Variants in PPP4R2 observed in about 807,000 individuals in gnomAD.
PPP4R2 encodes serine/threonine-protein phosphatase 4 regulatory subunit 2.
A neutral mutation model predicts 47.2 loss-of-function variants in PPP4R2; 13 were observed. The observed-to-expected ratio is 0.28, with a 90% CI of 0.18 to 0.44. PPP4R2 has a LOEUF of 0.44. Ranked by LOEUF, PPP4R2 falls within the 20% of genes least tolerant of loss-of-function variation. The pLI is 1.00. For synonymous variants in PPP4R2, 151 were observed against 163.3 expected, an observed-to-expected ratio of 0.92 and a Z score of 0.57; for missense variants, 421 against 491.2, an observed-to-expected ratio of 0.86 and a Z score of 1.35.
intron 1 of PPP4R2, among the ~76,000 whole-genome samples, chr3:72,997,866 G>A (rs538216970): frequency 6.6e-6 from 1 of 152,112 alleles, no homozygotes; most frequent in African/African-American, 2.4e-5. Flanking sequence ...GAAGTTGAGT[G>A]CCCCCTTTAG....
At chr3:73,026,285 A>G (rs1297575699) in intron 2 of PPP4R2, among the ~76,000 whole-genome samples, 1 of 152,150 alleles carries the variant, frequency 6.6e-6, no homozygotes, top group Non-Finnish European at 1.5e-5. Context: ...GTGACTTTGT[A>G]CATATTGTTC....
At chr3:73,015,503 TCTCG>T (rs1701810771) in intron 2 of PPP4R2, among the ~76,000 whole-genome samples, 1 of 146,254 alleles carries the variant, frequency 6.8e-6, no homozygotes, top group South Asian at 2.2e-4. Context: ...TTTTTTAGGG[TCTCG>T]CTCTGTCGCC....
intron 2 of PPP4R2, among the ~76,000 whole-genome samples, chr3:73,016,485 G>C (rs1333719896): frequency 1.3e-5 from 2 of 152,070 alleles, no homozygotes; most frequent in Admixed American, 6.6e-5. Context: ...TTGAGAGACT[G>C]CTTTATAGGA....
At chr3:73,064,489 G>C (rs1246152998) in intron 7 of PPP4R2, among the ~76,000 whole-genome samples, 1 of 152,152 alleles carries the variant, frequency 6.6e-6, no homozygotes, top group Non-Finnish European at 1.5e-5. Flanking sequence ...TTCATAAAAG[G>C]ACACCTTTTG....
At chr3:73,018,695 G>A (rs1185792158) in intron 2 of PPP4R2, among the ~76,000 whole-genome samples, 3 of 152,066 alleles carry the variant, frequency 2.0e-5, no homozygotes, top group African/African-American at 4.8e-5. Context: ...TGAATATGCA[G>A]TGTTCTACTG....
At chr3:73,036,667 A>G (rs1454394421) in intron 2 of PPP4R2, among the ~76,000 whole-genome samples, 3 of 152,200 alleles carry the variant, frequency 2.0e-5, no homozygotes, top group Admixed American at 6.5e-5. Context: ...TGTGATAGGT[A>G]CTTTGCTTTT....
At position 73,067,072 on chromosome 3, in the gene PPP4R2, A is replaced by C. The variant is rs1196789922; in HGVS notation, c.*1350A>C. The C allele has an allele frequency of 1.3e-5, 2 of 152,096 alleles. No homozygotes were observed. The highest frequency in any genetic ancestry group is 4.8e-5 in the African/African-American group (2 of 41,446). The allele number at this position is 152,096 out of a possible 1,614,324, so 9.4% of individuals were successfully genotyped here. ...AATTTCTGTAAAGTAGATTTTGTAGAATGTAATGTGTTCACTGCCTTTGTG... is the reference window on the plus strand; with the variant it reads ...AATTTCTGTAAAGTAGATTTTGTAGCATGTAATGTGTTCACTGCCTTTGTG... On this transcript the variant is annotated 3_prime_UTR_variant, in exon 9 of 9. Transcript: ENST00000356692.
At chr3:73,028,014 T>C (rs11917057) in intron 2 of PPP4R2, 58,821 of 149,586 alleles carry the variant, frequency 0.39, 12,088 homozygotes, top group African/African-American at 0.46. Context: ...TCCAGCACTT[T>C]AGGAGGCTGA....
At chr3:73,041,158 C>A (rs182941389) in intron 2 of PPP4R2, among the ~76,000 whole-genome samples, 1 of 152,194 alleles carries the variant, frequency 6.6e-6, no homozygotes, top group African/African-American at 2.4e-5. Context: ...CTGTCCTTTA[C>A]CATATATCAG....
chr3:73,018,466 G>GTTTGTTATGTTATGTTATGTTATTTATGT (rs1553646475), intron 2 of PPP4R2, among the ~76,000 whole-genome samples: 2 of 68,822 alleles, frequency 2.9e-5, no homozygotes, highest in South Asian at 4.0e-4. Flanking sequence ...TGTTATGTTA[G>GTTTGTTATGTTATGTTATGTTATTTATGT]TATCCGAAAC....
At chr3:73,008,635 G>A (rs545294666) in intron 2 of PPP4R2, among the ~76,000 whole-genome samples, 1 of 152,176 alleles carries the variant, frequency 6.6e-6, no homozygotes, top group South Asian at 2.1e-4. Context: ...TTATTTGTGA[G>A]CTTGTTTCCT....
In PPP4R2 at chr3:73,064,990, A is replaced by G; in HGVS notation, c.777A>G (p.Thr259=). 2.5e-6 allele frequency: 4 copies of G among 1,613,948 alleles called. No homozygotes were observed. The highest frequency in any genetic ancestry group is 3.4e-6 in the Non-Finnish European group (4 of 1,179,834). Residue 259 remains threonine, a synonymous_variant, in exon 8 of 9, where the codon ACA becomes ACG. Transcript: ENST00000356692. ...ACAAAGAAGGTGAAGTCAGAGAAACAGCCAGTCAAACGACTTCCAGCGAAA... is the reference window on the plus strand; with the variant it reads ...ACAAAGAAGGTGAAGTCAGAGAAACGGCCAGTCAAACGACTTCCAGCGAAA... The part of the protein sequence containing the change: ...RFDKEGEVRE[T]ASQTTSSEIS...
At chr3:73,060,687 T>A (rs1702837240) in intron 4 of PPP4R2, among the ~76,000 whole-genome samples, 1 of 152,218 alleles carries the variant, frequency 6.6e-6, no homozygotes, top group South Asian at 2.1e-4. Flanking sequence ...TCTTAAGTAC[T>A]TCAATCTCTC....
rs1035745465 is a variant in PPP4R2, at chr3:73,067,062, G to A, written c.*1340G>A. 3.3e-5 allele frequency: 5 copies of A among 152,068 alleles called. No homozygotes were observed. The highest frequency in any genetic ancestry group is 1.2e-4 in the African/African-American group (5 of 41,430). 9.4% of individuals were successfully genotyped at this position (152,068 alleles called of 1,614,324 possible). ...AAAGTTTTTAAATTTCTGTAAAGTA[G>A]ATTTTGTAGAATGTAATGTGTTCAC... On this transcript the variant is annotated 3_prime_UTR_variant, in exon 9 of 9. Coordinates refer to ENST00000356692, the MANE Select transcript of PPP4R2 (RefSeq NM_174907.4).
intron 2 of PPP4R2, among the ~76,000 whole-genome samples, chr3:73,009,751 G>A (rs1701684740): frequency 3.9e-5 from 6 of 152,146 alleles, no homozygotes; most frequent in African/African-American, 1.2e-4. Flanking sequence ...AAACTGAATC[G>A]CTGACTAAAA....
At chr3:73,005,815 A>G (rs575336354) in intron 2 of PPP4R2, among the ~76,000 whole-genome samples, 1 of 127,360 alleles carries the variant, frequency 7.9e-6, no homozygotes, top group South Asian at 2.5e-4. Flanking sequence ...CTGGGCAACA[A>G]GAGTGAAACT....
At chr3:73,021,874 G>T (rs1701966607) in intron 2 of PPP4R2, among the ~76,000 whole-genome samples, 1 of 135,030 alleles carries the variant, frequency 7.4e-6, no homozygotes, top group Non-Finnish European at 1.6e-5. Flanking sequence ...GTGTGTGTGT[G>T]TGTGTGTATA....
At chr3:73,015,930 A>T in intron 2 of PPP4R2, 1 of 248,684 alleles carries the variant, frequency 4.0e-6, no homozygotes, top group South Asian at 3.3e-5. Context: ...GAACTACTGC[A>T]CCCGCCCTGT....
chr3:73,048,154 C>T (rs138718784), intron 3 of PPP4R2, among the ~76,000 whole-genome samples: 76 of 152,336 alleles, frequency 5.0e-4, no homozygotes, highest in African/African-American at 1.7e-3. Flanking sequence ...GAATTACAGG[C>T]GTGAGCCACC....
Sources: gnomAD v4.1 joint callset for allele counts (sites outside exome capture counted in the v4.1 genomes callset) on GRCh38, gnomAD v4.1.1 for gene constraint, MANE v1.5 for transcripts, NCBI Gene and HGNC (gene_info 2026-07-23, HGNC 2026-07-21) for gene names.